The following CDH13 variants were observed in gnomAD, a reference collection of about 807,000 sequenced individuals.
CDH13 encodes the protein cadherin-13.
CDH13 carries 24 observed loss-of-function variants against 63.8 expected under a neutral mutation model. The ratio of observed to expected loss-of-function variants is 0.38; its 90% CI spans 0.27 to 0.53. The LOEUF (loss-of-function observed/expected upper bound fraction) is 0.53. Ranked by LOEUF, CDH13 falls within the 20% of genes least tolerant of loss-of-function variation. The probability of loss-of-function intolerance (pLI) is 0.85; values close to 1 mark genes in which losing one functional copy is unlikely to be tolerated. For synonymous variants in CDH13, 503 were observed against 355.3 expected, an observed-to-expected ratio of 1.42 and a Z score of -4.67; for missense variants, 1,049 against 903.1, an observed-to-expected ratio of 1.16 and a Z score of -2.07.
rs142514693 is a variant in CDH13, at chr16:82,980,758, C to G, written c.158-51252C>G. On this transcript the variant is annotated intron_variant, in intron 2 of 13. Coordinates refer to ENST00000567109, the MANE Select transcript of CDH13 (RefSeq NM_001257.5). ...ATCCTTTTGGGGTTGCCTTTGTCCC[C>G]AAGAACCTCCTTGTCTTCTCTGGTC... is the stretch of plus-strand genomic sequence containing the variant. 7.2e-5 allele frequency among the ~76,000 whole-genome samples: 11 copies of G among 152,250 alleles called. No homozygotes were observed. In the South Asian group the frequency reaches 1.7e-3, roughly 23 times the overall value.
intron 7 of CDH13, among the ~76,000 whole-genome samples, chr16:83,513,892 A>G (rs576066047): frequency 4.1e-4 from 62 of 152,334 alleles, no homozygotes; most frequent in African/African-American, 1.4e-3. Context: ...GCTGATAAAA[A>G]CATAGACAAA....
chr16:83,159,157 T>C (rs188356485), intron 4 of CDH13, among the ~76,000 whole-genome samples: 5 of 152,270 alleles, frequency 3.3e-5, no homozygotes, highest in Admixed American at 3.3e-4. Flanking sequence ...CAGTAGAGGA[T>C]TGAAAATAAT....
intron 5 of CDH13, among the ~76,000 whole-genome samples, chr16:83,305,634 G>A (rs542444108): frequency 1.3e-5 from 2 of 152,178 alleles, no homozygotes; most frequent in African/African-American, 2.4e-5. Context: ...GAATACAGGC[G>A]ACATGGCATG....
intron 6 of CDH13, among the ~76,000 whole-genome samples, chr16:83,416,331 A>T (rs1019785005): frequency 5.9e-5 from 9 of 152,208 alleles, no homozygotes; most frequent in Admixed American, 1.3e-4. Context: ...AAAATTATCT[A>T]CAGATTTAAT....
intron 6 of CDH13, among the ~76,000 whole-genome samples, chr16:83,437,133 A>G (rs1036896081): frequency 2.6e-5 from 4 of 152,008 alleles, no homozygotes; most frequent in Non-Finnish European, 5.9e-5. Context: ...TTCTGACATC[A>G]GCCTCCCAGG....
At chr16:82,986,990 T>C (rs1054729244) in intron 2 of CDH13, among the ~76,000 whole-genome samples, 1 of 152,188 alleles carries the variant, frequency 6.6e-6, no homozygotes, top group Non-Finnish European at 1.5e-5. Flanking sequence ...CCATCTTATC[T>C]TGATGGAATT....
chr16:82,889,356 A>T (rs1226784046), intron 2 of CDH13, among the ~76,000 whole-genome samples: 1 of 151,498 alleles, frequency 6.6e-6, no homozygotes, highest in Non-Finnish European at 1.5e-5. Context: ...CAACCAACCT[A>T]TCTAAAATCT....
chr16:83,516,332 C>T (rs956849018), intron 7 of CDH13, among the ~76,000 whole-genome samples: 5 of 152,166 alleles, frequency 3.3e-5, no homozygotes, highest in African/African-American at 1.2e-4. Flanking sequence ...AATTTTGAGA[C>T]CTTGAGCCAG....
intron 4 of CDH13, among the ~76,000 whole-genome samples, chr16:83,186,741 A>C (rs2038538189): frequency 6.6e-6 from 1 of 152,106 alleles, no homozygotes. Flanking sequence ...GTAACTTAGG[A>C]AAATCAAAAG....
intron 1 of CDH13, chr16:82,719,532 C>G: frequency 2.3e-6 from 1 of 441,554 alleles, no homozygotes; most frequent in South Asian, 1.6e-5. Context: ...CTCCTTCCCC[C>G]TCTGTTTTAA....
intron 1 of CDH13, among the ~76,000 whole-genome samples, chr16:82,648,227 G>T (rs1309726411): frequency 6.6e-6 from 1 of 152,170 alleles, no homozygotes; most frequent in Non-Finnish European, 1.5e-5. Flanking sequence ...CATGCACTTT[G>T]GGGAAGTAAT....
chr16:83,793,606 C>A (rs28497160), intron 13 of CDH13, among the ~76,000 whole-genome samples: 5,831 of 152,172 alleles, frequency 0.038, 388 homozygotes, highest in African/African-American at 0.13. Context: ...GTAATGGCCC[C>A]CAAAGATGTA....
intron 5 of CDH13, among the ~76,000 whole-genome samples, chr16:83,338,630 T>C (rs920337881): frequency 9.9e-5 from 15 of 152,216 alleles, no homozygotes; most frequent in African/African-American, 3.6e-4. Flanking sequence ...ACCCTAGCTG[T>C]TCTGGAGGAG....
intron 6 of CDH13, among the ~76,000 whole-genome samples, chr16:83,428,013 C>T (rs1370807137): frequency 1.3e-5 from 2 of 152,178 alleles, no homozygotes; most frequent in South Asian, 2.1e-4. Context: ...TCCACTGGCT[C>T]AAATTAAAAT....
At chr16:83,572,954 T>C (rs1297230531) in intron 7 of CDH13, among the ~76,000 whole-genome samples, 2 of 152,210 alleles carry the variant, frequency 1.3e-5, no homozygotes, top group Non-Finnish European at 2.9e-5. Context: ...GATTGAAATG[T>C]GTACAGTACT....
At chr16:83,023,784 T>C (rs1355907208) in intron 2 of CDH13, among the ~76,000 whole-genome samples, 1 of 152,198 alleles carries the variant, frequency 6.6e-6, no homozygotes, top group East Asian at 1.9e-4. Context: ...AGGGCTGATG[T>C]CATCACATGC....
chr16:83,440,508 G>T lies in CDH13; in HGVS notation c.782-45969G>T, dbSNP rs564069222. 5.3e-5 allele frequency among the ~76,000 whole-genome samples: 8 copies of T among 152,232 alleles called. No homozygotes were observed. The South Asian group carries it at 1.5e-3, about 28-fold the overall frequency. ...AAGATGGACAGCAAGGGCCAGGCACGGTGGCTTATGCCTGTAGTCCCAGAG... is the reference window on the plus strand; with the variant it reads ...AAGATGGACAGCAAGGGCCAGGCACTGTGGCTTATGCCTGTAGTCCCAGAG... On this transcript the variant is annotated intron_variant, in intron 6 of 13. Coordinates refer to ENST00000567109, the MANE Select transcript of CDH13 (RefSeq NM_001257.5).
At chr16:82,950,331 T>A (rs922375727) in intron 2 of CDH13, among the ~76,000 whole-genome samples, 1 of 152,126 alleles carries the variant, frequency 6.6e-6, no homozygotes, top group Admixed American at 6.6e-5. Flanking sequence ...ATCTCCCATT[T>A]TTTTTGGTAA....
chr16:83,365,125 C>T (rs564301494), intron 6 of CDH13, among the ~76,000 whole-genome samples: 6 of 152,202 alleles, frequency 3.9e-5, no homozygotes, highest in Non-Finnish European at 7.3e-5. Flanking sequence ...CTGACATCTG[C>T]AGTCAGTAGC....
Sources: gnomAD v4.1 joint callset for allele counts (sites outside exome capture counted in the v4.1 genomes callset) on GRCh38, gnomAD v4.1.1 for gene constraint, MANE v1.5 for transcripts, NCBI Gene and HGNC (gene_info 2026-07-23, HGNC 2026-07-21) for gene names.